Variants in BORCS5 observed in about 807,000 individuals in gnomAD.
The protein encoded by BORCS5 is BLOC-1 related complex subunit 5, also known as BLOC-1-related complex subunit 5.
A neutral mutation model predicts 22.1 loss-of-function variants in BORCS5; 17 were observed. That is an observed-to-expected ratio of 0.77 (90% CI 0.53 to 1.15). The LOEUF is 1.15. Among genes scored for constraint, BORCS5 ranks in the 50% most tolerant of loss-of-function variants. The pLI, the probability that BORCS5 is intolerant of heterozygous loss-of-function variation, is 0.00. For missense variants in BORCS5, 247 were observed against 253.2 expected (o/e 0.98, Z 0.17); for synonymous variants, 117 against 99.8 (o/e 1.17, Z -1.03).
chr12:12,414,811 G>A (rs1941884920), intron 2 of BORCS5, among the ~76,000 whole-genome samples: 1 of 145,222 alleles, frequency 6.9e-6, no homozygotes, highest in Non-Finnish European at 1.5e-5. Context: ...TTGCCAGGCA[G>A]AGGGTTTCCT....
At chr12:12,455,778 TA>T (rs144613630) in intron 3 of BORCS5, among the ~76,000 whole-genome samples, 81,259 of 141,948 alleles carry the variant, frequency 0.57, 23,437 homozygotes, top group African/African-American at 0.73. Flanking sequence ...GACTCGGTCT[TA>T]AAAAAAAAAA....
chr12:12,361,438 T>G (rs753453049), intron 2 of BORCS5, 89 bp downstream of exon 2: 6 of 1,428,272 alleles, frequency 4.2e-6, no homozygotes, highest in East Asian at 2.3e-5. Context: ...TGTATCTTGC[T>G]CTCTCATCTC....
At chr12:12,435,118 A>T (rs1168415868) in intron 2 of BORCS5, among the ~76,000 whole-genome samples, 2 of 152,306 alleles carry the variant, frequency 1.3e-5, no homozygotes, top group South Asian at 2.1e-4. Flanking sequence ...TTACTTGTTA[A>T]ATGTCTCCAT....
At chr12:12,420,822 A>G (rs1419446035) in intron 2 of BORCS5, among the ~76,000 whole-genome samples, 3 of 152,164 alleles carry the variant, frequency 2.0e-5, no homozygotes, top group Non-Finnish European at 4.4e-5. Context: ...GCAATTGTGA[A>G]TGGGAGTTCA....
chr12:12,362,636 C>CTTTTTTTTTTTTTT (rs71436712), intron 2 of BORCS5, among the ~76,000 whole-genome samples: 6 of 57,588 alleles, frequency 1.0e-4, no homozygotes, highest in African/African-American at 3.3e-4. Context: ...TGTTACTCAT[C>CTTTTTTTTTTTTTT]TTTTTTTTTT....
intron 3 of BORCS5, among the ~76,000 whole-genome samples, chr12:12,451,929 TA>T (rs34066948): frequency 0.26 from 34,914 of 133,914 alleles, 5,102 homozygotes; most frequent in East Asian, 0.5. Flanking sequence ...AAAAAAAAAT[TA>T]AAAAAAAAAA....
At chr12:12,462,786 A>G (rs544352718) in intron 3 of BORCS5, among the ~76,000 whole-genome samples, 1 of 152,190 alleles carries the variant, frequency 6.6e-6, no homozygotes, top group South Asian at 2.1e-4. Flanking sequence ...CCTCCCAAGT[A>G]GTTGGGACTA....
chr12:12,360,904 A>G (rs190102972), intron 1 of BORCS5, among the ~76,000 whole-genome samples: 192 of 152,226 alleles, frequency 1.3e-3, no homozygotes, highest in African/African-American at 4.5e-3. Context: ...TGTTTTTAGT[A>G]GAGACAGGGT....
At chr12:12,371,179 C>A (rs543038687) in intron 2 of BORCS5, among the ~76,000 whole-genome samples, 9 of 152,222 alleles carry the variant, frequency 5.9e-5, no homozygotes, top group African/African-American at 2.2e-4. Flanking sequence ...TTAAAGGAAC[C>A]CTGGTTCTTT....
chr12:12,420,502 T>G (rs1212784292), intron 2 of BORCS5, among the ~76,000 whole-genome samples: 4 of 152,178 alleles, frequency 2.6e-5, no homozygotes, highest in Admixed American at 6.5e-5. Flanking sequence ...TTGTTCTTTT[T>G]GCTTAGGATT....
Position 12,436,794 on chromosome 12 carries a change from G to A in BORCS5, c.360+1009G>A, listed in dbSNP as rs79053239. On this transcript the variant is annotated intron_variant, in intron 3 of 3. Transcript: ENST00000314565. ...TTGCCAACACCTCCAACATTTTAGT[G>A]CTTAGCTTTCATAAAATGTTGCATG... Among the ~76,000 whole-genome samples the A allele has an allele frequency of 6.9e-3, 1,056 of 152,300 alleles. 13 individuals carry two copies. The highest frequency in any genetic ancestry group is 0.024 in the African/African-American group (1,000 of 41,568).
chr12:12,414,958 G>C lies in BORCS5; in HGVS notation c.203-20670G>C, dbSNP rs949804433. Among the ~76,000 whole-genome samples, 27 of 131,782 alleles carry C rather than the reference G, an allele frequency of 2.0e-4. 2 individuals are homozygous for C. Among genetic ancestry groups the C allele is most frequent in the Non-Finnish European group, 4.2e-4 (25 of 59,010 alleles). The allele number at this position is 131,782 out of a possible 152,430, so 86.5% of individuals were successfully genotyped here. A position where few individuals can be genotyped will look rare whatever the true frequency, so the allele number is the denominator to read the frequency against. On this transcript the variant is annotated intron_variant, in intron 2 of 3. Transcript: ENST00000314565. ...CCCACATCTCAGACGATGGGCGGCC[G>C]GGCAGAGACGCTCCTCACTTCCTAG...
Position 12,358,154 on chromosome 12 carries a change from A to T in BORCS5, c.58+645A>T, listed in dbSNP as rs551278740. Among the ~76,000 whole-genome samples the T allele has an allele frequency of 2.6e-5, 4 of 152,370 alleles. No individual in the cohort carries two copies. The East Asian group carries it at 7.7e-4, about 29-fold the overall frequency. On this transcript the variant is annotated intron_variant, in intron 1 of 3. Transcript: ENST00000314565. ...AATACAGTGAGTGTTCAATAAATAG[A>T]TAAAGCAGCTGATGTTTAATTGAGG... is the stretch of plus-strand genomic sequence containing the variant.
rs114966078 is a variant in BORCS5, at chr12:12,412,121, A to T, written c.203-23507A>T. Among the ~76,000 whole-genome samples the T allele has an allele frequency of 2.2e-3, 330 of 152,290 alleles. 3 individuals carry two copies. Among genetic ancestry groups the T allele is most frequent in the African/African-American group, 6.9e-3 (287 of 41,554 alleles). ...TATTCAGGATCTCTTGAGATTCCAT[A>T]TGAATTTTTGGATGGATCTTTCTAT... On this transcript the variant is annotated intron_variant, in intron 2 of 3. Coordinates refer to ENST00000314565, the MANE Select transcript of BORCS5 (RefSeq NM_058169.6).
Position 12,357,396 on chromosome 12 carries a change from G to A in BORCS5, c.-56G>A. On this transcript the variant is annotated 5_prime_UTR_variant, in exon 1 of 4. Coordinates refer to ENST00000314565, the MANE Select transcript of BORCS5 (RefSeq NM_058169.6). ...CCTGGCCCCTGCCCTGTCGCCCGCC[G>A]CCGGAGCGGTGACCGCCCGGCCCGC... The A allele has an allele frequency of 3.8e-6, 6 of 1,583,772 alleles. No individual in the cohort carries two copies. Among genetic ancestry groups the A allele is most frequent in the Non-Finnish European group, 5.2e-6 (6 of 1,160,884 alleles).
chr12:12,378,022 TGAA>T (rs1284755449), intron 2 of BORCS5, among the ~76,000 whole-genome samples: 1 of 152,208 alleles, frequency 6.6e-6, no homozygotes, highest in African/African-American at 2.4e-5. Flanking sequence ...CAATAGCACT[TGAA>T]GAAGAATGAA....
rs1592120918 is a variant in BORCS5, at chr12:12,430,420, G to A, written c.203-5208G>A. On this transcript the variant is annotated intron_variant, in intron 2 of 3. Coordinates refer to ENST00000314565, the MANE Select transcript of BORCS5 (RefSeq NM_058169.6). ...CCTGCCTTGGCCTCCCAAAGTGCTG[G>A]GATTACAGGCGTGAGCCACTGTGCC... Among the ~76,000 whole-genome samples, 4 of 152,036 alleles carry A rather than the reference G, an allele frequency of 2.6e-5. No homozygotes were observed. In the South Asian group the frequency reaches 8.3e-4, roughly 32 times the overall value.
At chr12:12,365,514 A>G (rs1242170857) in intron 2 of BORCS5, among the ~76,000 whole-genome samples, 1 of 151,972 alleles carries the variant, frequency 6.6e-6, no homozygotes, top group East Asian at 1.9e-4. Flanking sequence ...AATAGTTTGT[A>G]TAATTCATCC....
At chr12:12,461,161 CTTTTTTTT>C (rs35299390) in intron 3 of BORCS5, among the ~76,000 whole-genome samples, 3 of 134,208 alleles carry the variant, frequency 2.2e-5, no homozygotes, top group Non-Finnish European at 4.7e-5. Context: ...TTATTGCATT[CTTTTTTTT>C]TTTTTTTTTT....
Sources: allele counts gnomAD v4.1 joint callset (sites outside exome capture counted in the v4.1 genomes callset), GRCh38; gene constraint gnomAD v4.1.1; transcripts MANE v1.5; gene names NCBI Gene and HGNC (gene_info 2026-07-23, HGNC 2026-07-21).